ATXN1: variants seen among roughly 807,000 people sequenced by gnomAD.
The protein encoded by ATXN1 is ataxin 1.
ATXN1 carries 8 observed loss-of-function variants against 56.4 expected under a neutral mutation model. That is an observed-to-expected ratio of 0.14 (90% confidence interval 0.08 to 0.26). The LOEUF is 0.26. ATXN1 is among the 10% of genes least tolerant of loss of function. ATXN1 has a pLI of 1.00. For missense variants in ATXN1, 987 were observed against 1,106.5 expected (o/e 0.89, Z 1.53); for synonymous variants, 514 against 494.6 (o/e 1.04, Z -0.52).
chr6:16,487,573 G>A (rs971229018), intron 5 of ATXN1, among the ~76,000 whole-genome samples: 5 of 152,088 alleles, frequency 3.3e-5, no homozygotes, highest in South Asian at 2.1e-4. Context: ...TAAATCATTC[G>A]CTTGATACAA....
At chr6:16,443,792 T>G (rs1759571538) in intron 6 of ATXN1, among the ~76,000 whole-genome samples, 1 of 152,084 alleles carries the variant, frequency 6.6e-6, no homozygotes, top group East Asian at 1.9e-4. Context: ...GGCACATCAG[T>G]ATAAACTCAT....
At chr6:16,653,054 T>G (rs2113350928) in intron 3 of ATXN1, 1 of 152,360 alleles carries the variant, frequency 6.6e-6, no homozygotes, top group East Asian at 1.9e-4. Flanking sequence ...TTAATGCATT[T>G]GGTAGTGGTT....
intron 5 of ATXN1, among the ~76,000 whole-genome samples, chr6:16,508,919 G>T (rs988142781): frequency 1.3e-5 from 2 of 152,096 alleles, no homozygotes; most frequent in African/African-American, 4.8e-5. Context: ...TACAAGAGTG[G>T]AATATTCATC....
intron 6 of ATXN1, among the ~76,000 whole-genome samples, chr6:16,341,365 C>T (rs774196859): frequency 7.9e-5 from 12 of 152,080 alleles, no homozygotes; most frequent in Non-Finnish European, 1.2e-4. Flanking sequence ...ATCAGACTCA[C>T]CCAGGGAGCT....
At chr6:16,342,604 G>C (rs1167680239) in intron 6 of ATXN1, among the ~76,000 whole-genome samples, 1 of 152,132 alleles carries the variant, frequency 6.6e-6, no homozygotes, top group Admixed American at 6.5e-5. Context: ...GAGCCAAAAG[G>C]TGTCAACAAC....
At chr6:16,657,563 C>T (rs546640342) in intron 3 of ATXN1, among the ~76,000 whole-genome samples, 1 of 152,302 alleles carries the variant, frequency 6.6e-6, no homozygotes, top group East Asian at 1.9e-4. Flanking sequence ...CTATTCAGAT[C>T]ATACTATTCT....
chr6:16,489,686 C>T (rs1760620958), intron 5 of ATXN1, among the ~76,000 whole-genome samples: 1 of 152,102 alleles, frequency 6.6e-6, no homozygotes, highest in Admixed American at 6.6e-5. Flanking sequence ...GGTGCAGTGG[C>T]TCACACCTGT....
At position 16,304,844 on chromosome 6, in the gene ATXN1, G is replaced by A. The variant is rs969564953; in HGVS notation, c.*1485C>T. ...GTTCATCTTAAAAAGAAAAACACTG[G>A]ACAAAAATGAGTATTCTCTTCTCCA... is the stretch of plus-strand genomic sequence containing the variant. On this transcript the variant is annotated 3_prime_UTR_variant, in exon 8 of 8. Transcript: ENST00000436367. 3 of 152,542 alleles carry A rather than the reference G, an allele frequency of 2.0e-5. No homozygotes were observed. Among genetic ancestry groups the A allele is most frequent in the African/African-American group, 7.2e-5 (3 of 41,424 alleles). The allele number at this position is 152,542 out of a possible 1,614,324, so 9.4% of individuals were successfully genotyped here. A position where few individuals can be genotyped will look rare whatever the true frequency, so the allele number is the denominator to read the frequency against.
intron 7 of ATXN1, among the ~76,000 whole-genome samples, chr6:16,313,764 G>C (rs1347018672): frequency 2.0e-5 from 3 of 151,908 alleles, no homozygotes; most frequent in Non-Finnish European, 4.4e-5. Flanking sequence ...CATTCACCAT[G>C]TTGGCCAAGC....
chr6:16,607,455 C>T (rs748322181), intron 3 of ATXN1, among the ~76,000 whole-genome samples: 1 of 152,158 alleles, frequency 6.6e-6, no homozygotes, highest in Non-Finnish European at 1.5e-5. Flanking sequence ...ATTGATATTG[C>T]GCTGCATGGT....
intron 7 of ATXN1, among the ~76,000 whole-genome samples, chr6:16,316,448 TAAA>T (rs1026553107): frequency 1.3e-5 from 2 of 152,088 alleles, no homozygotes; most frequent in African/African-American, 4.8e-5. Flanking sequence ...GGTGCTCAGT[TAAA>T]ATCTGAAAGA....
At chr6:16,373,021 A>G (rs1353178359) in intron 6 of ATXN1, among the ~76,000 whole-genome samples, 1 of 152,214 alleles carries the variant, frequency 6.6e-6, no homozygotes, top group African/African-American at 2.4e-5. Context: ...TTTATGTGGT[A>G]GGAAGGGGAC....
At chr6:16,667,041 T>G (rs562916592) in intron 2 of ATXN1, 1 of 152,202 alleles carries the variant, frequency 6.6e-6, no homozygotes, top group Non-Finnish European at 1.5e-5. Context: ...AATGGACACA[T>G]GCAATGATAA....
chr6:16,582,301 G>C lies in ATXN1; in HGVS notation c.-361+3479C>G, dbSNP rs563486128. ...TGTTGACTGTATCTCCCTGAGAACTGTAAACTCCATTAGGGCCAGTCTTTT... is the reference window on the plus strand; with the variant it reads ...TGTTGACTGTATCTCCCTGAGAACTCTAAACTCCATTAGGGCCAGTCTTTT... On this transcript the variant is annotated intron_variant, in intron 4 of 7. Transcript: ENST00000436367. Among the ~76,000 whole-genome samples, 13 of 152,266 alleles carry C rather than the reference G, an allele frequency of 8.5e-5. No homozygotes were observed. In the South Asian group the frequency reaches 2.7e-3, roughly 32 times the overall value.
chr6:16,524,902 A>G (rs1033669394), intron 4 of ATXN1, among the ~76,000 whole-genome samples: 2 of 152,136 alleles, frequency 1.3e-5, no homozygotes, highest in African/African-American at 4.8e-5. Context: ...AAAATACAAA[A>G]TTAGCCGGGC....
chr6:16,546,490 T>C (rs915876598), intron 4 of ATXN1, among the ~76,000 whole-genome samples: 7 of 152,118 alleles, frequency 4.6e-5, no homozygotes, highest in African/African-American at 1.7e-4. Flanking sequence ...CCTTCAGACG[T>C]TTTTAACTGG....
intron 4 of ATXN1, among the ~76,000 whole-genome samples, chr6:16,564,520 C>T (rs998293166): frequency 6.6e-6 from 1 of 152,112 alleles, no homozygotes; most frequent in African/African-American, 2.4e-5. Context: ...TACATTATTC[C>T]ATCATAACAA....
At chr6:16,325,136 G>A (rs1191279248) in intron 7 of ATXN1, among the ~76,000 whole-genome samples, 3 of 146,416 alleles carry the variant, frequency 2.0e-5, no homozygotes, top group African/African-American at 7.5e-5. Flanking sequence ...TTTTTTGTCT[G>A]AGACAGAGTC....
At chr6:16,315,842 G>A (rs533979463) in intron 7 of ATXN1, among the ~76,000 whole-genome samples, 1 of 152,202 alleles carries the variant, frequency 6.6e-6, no homozygotes, top group Admixed American at 6.5e-5. Flanking sequence ...TTTTGTTGGT[G>A]AAGATAATGA....
Sources: allele counts gnomAD v4.1 joint callset (sites outside exome capture counted in the v4.1 genomes callset), GRCh38; gene constraint gnomAD v4.1.1; transcripts MANE v1.5; gene names NCBI Gene and HGNC (gene_info 2026-07-23, HGNC 2026-07-21).